The following ARL10 variants were observed in gnomAD, a reference collection of about 807,000 sequenced individuals.
ARL10 encodes the protein ARF like GTPase 10, also known as ADP-ribosylation factor-like protein 10.
A neutral mutation model predicts 26.1 loss-of-function variants in ARL10; 23 were observed. That is an observed-to-expected ratio of 0.88 (90% CI 0.63 to 1.25). ARL10 has a LOEUF of 1.25. Among genes scored for constraint, ARL10 ranks in the 50% most tolerant of loss-of-function variants. The probability of loss-of-function intolerance (pLI) is 0.00; values close to 1 mark genes in which losing one functional copy is unlikely to be tolerated. For synonymous variants in ARL10, 138 were observed against 149.1 expected (o/e 0.93, Z 0.54); for missense variants, 300 against 323.6 (o/e 0.93, Z 0.56).
chr5:176,370,929 G>A (rs559346323), intron 3 of ARL10, among the ~76,000 whole-genome samples: 8 of 152,170 alleles, frequency 5.3e-5, no homozygotes, highest in South Asian at 2.1e-4. Context: ...ACCAACCTGA[G>A]TTGGCACCTG....
chr5:176,367,821 C>T (rs1768372755), intron 2 of ARL10: 1 of 499,042 alleles, frequency 2.0e-6, no homozygotes, highest in Non-Finnish European at 3.9e-6. Context: ...GCCACTTTCC[C>T]TTTTTTCTGT....
downstream of ARL10, chr5:176,406,646 A>C: frequency 7.8e-7 from 1 of 1,289,412 alleles, no homozygotes. Context: ...AGTTGTGGGC[A>C]GGCTCGTCCT....
chr5:176,376,632 T>A lies in ARL10; in HGVS notation c.*4737T>A, dbSNP rs747795604. 6.6e-6 allele frequency: 1 copy of A among 152,244 alleles called. No homozygotes were observed. Among genetic ancestry groups the A allele is most frequent in the Non-Finnish European group, 1.5e-5 (1 of 68,032 alleles). 9.4% of individuals were successfully genotyped at this position (152,244 alleles called of 1,614,324 possible). A position where few individuals can be genotyped will look rare whatever the true frequency, so the allele number is the denominator to read the frequency against. On this transcript the variant is annotated 3_prime_UTR_variant, in exon 4 of 4. Coordinates refer to ENST00000310389, the MANE Select transcript of ARL10 (RefSeq NM_173664.6). ...AAGAGAGGGAGAAAGATAAGATTTT[T>A]GCGATTGCAGTGAAGTCTTCATCCA...
chr5:176,410,134 C>T, the ARL10 span: 1 of 833,748 alleles, frequency 1.2e-6, no homozygotes, highest in South Asian at 1.7e-5. Context: ...TATGTTTCCA[C>T]CCCAATGCAT....
At chr5:176,409,406 C>CTTTTTTTTTTTT in the ARL10 span, among the ~76,000 whole-genome samples, 2 of 79,656 alleles carry the variant, frequency 2.5e-5, no homozygotes, top group Non-Finnish European at 2.2e-5. Flanking sequence ...TCTGATTGCC[C>CTTTTTTTTTTTT]TTTTTTTTTT....
intron 1 of ARL10, among the ~76,000 whole-genome samples, chr5:176,396,784 C>T (rs1756544234): frequency 6.6e-6 from 1 of 152,184 alleles, no homozygotes; most frequent in African/African-American, 2.4e-5. Flanking sequence ...CAAACACCTT[C>T]AGTGGCTCCC....
chr5:176,392,908 C>G, downstream of ARL10: 2 of 1,614,202 alleles, frequency 1.2e-6, no homozygotes, highest in Non-Finnish European at 1.7e-6. This position sits in a 1 kb window ranked among gnomAD's most constrained non-coding sequence, Gnocchi z 5.2. Flanking sequence ...CCTGGGGTCT[C>G]CTCCTTGGAT....
At chr5:176,402,513 T>A (rs1756875490), downstream of ARL10, among the ~76,000 whole-genome samples, 1 of 152,142 alleles carries the variant, frequency 6.6e-6, no homozygotes, top group South Asian at 2.1e-4. Flanking sequence ...TACAGCTTCC[T>A]AGGGCTTCCC....
the ARL10 span, chr5:176,410,244 G>C: frequency 6.2e-7 from 1 of 1,613,398 alleles, no homozygotes; most frequent in Non-Finnish European, 8.5e-7. Flanking sequence ...TGCTGAGACA[G>C]AGCCTTGCTT....
the ARL10 span, among the ~76,000 whole-genome samples, chr5:176,412,130 C>T: frequency 6.7e-6 from 1 of 149,744 alleles, no homozygotes; most frequent in African/African-American, 2.5e-5. Flanking sequence ...GAGCCGAGAT[C>T]CCGCCACTGC....
At chr5:176,386,671 A>G, downstream of ARL10, 1 of 714,000 alleles carries the variant, frequency 1.4e-6, no homozygotes, top group East Asian at 2.7e-5. Flanking sequence ...CAGTACAATG[A>G]AAAATGAGCC....
downstream of ARL10, among the ~76,000 whole-genome samples, chr5:176,382,823 T>C (rs1346157495): frequency 6.6e-6 from 1 of 152,138 alleles, no homozygotes; most frequent in Admixed American, 6.5e-5. Flanking sequence ...CTTCCTAAAG[T>C]TCATTCCTCA....
intron 3 of ARL10, 103 bp from the exon 4 acceptor site, chr5:176,371,619 A>G (rs1012023912): frequency 1.8e-6 from 1 of 563,388 alleles, no homozygotes; most frequent in African/African-American, 2.3e-5. Flanking sequence ...GTTTCCTGAT[A>G]TTCCCGGGGA....
downstream of ARL10, chr5:176,389,602 C>T: frequency 2.4e-6 from 3 of 1,235,580 alleles, no homozygotes; most frequent in Non-Finnish European, 3.4e-6. Context: ...TTGAGAGGCC[C>T]ATGTGTCGCT....
chr5:176,386,855 G>T (rs1755882423), downstream of ARL10: 1 of 1,613,866 alleles, frequency 6.2e-7, no homozygotes, highest in African/African-American at 1.3e-5. Flanking sequence ...AGCACATAGG[G>T]CTTCCGTACA....
At chr5:176,404,478 T>C (rs1757001130), downstream of ARL10, among the ~76,000 whole-genome samples, 1 of 152,206 alleles carries the variant, frequency 6.6e-6, no homozygotes, top group African/African-American at 2.4e-5. Flanking sequence ...GTTAAGTGAC[T>C]AGCCCACAGC....
downstream of ARL10, among the ~76,000 whole-genome samples, chr5:176,402,687 T>A (rs1221308642): frequency 3.3e-5 from 5 of 152,190 alleles, no homozygotes; most frequent in Non-Finnish European, 7.3e-5. Context: ...AATTCATAGA[T>A]GTTCAGGCTT....
In ARL10 at chr5:176,368,968, GT is replaced by G; in HGVS notation, c.548del (p.Val183GlyfsTer7). 6.2e-7 allele frequency: 1 copy of G among 1,613,994 alleles called. No individual in the cohort carries two copies. The highest frequency in any genetic ancestry group is 8.5e-7 in the Non-Finnish European group (1 of 1,180,000). ...GGACCCTGACCTGCCTGTCGTCGTG[GT>G]GGCCAACAAGCAGGTGAGGGCTGTG... ...DKDPDLPVVV[V>X]ANKQDLSEAM... On this transcript the variant is annotated frameshift_variant, in exon 3 of 4. Transcript: ENST00000310389. LOFTEE classifies it high-confidence loss of function. The surrounding 1 kb of genome is among the most constrained non-coding windows in gnomAD (Gnocchi z 4.1).
chr5:176,388,692 C>G (rs1756103020), downstream of ARL10: 4 of 1,403,126 alleles, frequency 2.9e-6, no homozygotes, highest in East Asian at 9.1e-5. Flanking sequence ...CACTACGACT[C>G]CCAGGATGCA....
Sources: gnomAD v4.1 joint callset for allele counts (sites outside exome capture counted in the v4.1 genomes callset) on GRCh38, gnomAD v4.1.1 for gene constraint, Gnocchi (gnomAD v3.1) non-coding constraint, MANE v1.5 for transcripts, NCBI Gene and HGNC (gene_info 2026-07-23, HGNC 2026-07-21) for gene names.